The following WNK2 variants were observed in gnomAD, a reference collection of about 807,000 sequenced individuals.
The protein encoded by WNK2 is WNK lysine deficient protein kinase 2.
A neutral mutation model predicts 192.1 loss-of-function variants in WNK2; 67 were observed. The observed-to-expected ratio is 0.35, with a 90% CI of 0.29 to 0.43. The LOEUF is 0.43. Among genes scored for constraint, WNK2 ranks in the 20% least tolerant of loss-of-function variants. The pLI, the probability that WNK2 is intolerant of heterozygous loss-of-function variation, is 1.00. For missense variants in WNK2, 2,698 were observed against 3,089.7 expected, an observed-to-expected ratio of 0.87 and a Z score of 3.01; for synonymous variants, 1,439 against 1,393.9, an observed-to-expected ratio of 1.03 and a Z score of -0.72.
chr9:93,230,764 CG>C, intron 3 of WNK2, 123 bp from the exon 4 acceptor site: 1 of 881,396 alleles, frequency 1.1e-6, no homozygotes, highest in South Asian at 1.7e-5. Flanking sequence ...CTACCTGTCA[CG>C]GGTATGTGCC....
chr9:93,211,898 A>G (rs958434782), intron 2 of WNK2, among the ~76,000 whole-genome samples: 4 of 145,994 alleles, frequency 2.7e-5, no homozygotes, highest in Non-Finnish European at 6.0e-5. Flanking sequence ...ACATTTACTC[A>G]TTCACTCCCA....
At chr9:93,256,691 T>C (rs534863454) in intron 10 of WNK2, 137 of 662,430 alleles carry the variant, frequency 2.1e-4, no homozygotes, top group African/African-American at 5.5e-4. Context: ...GCCCTGCACA[T>C]GGAAGGCTCT....
intron 2 of WNK2, among the ~76,000 whole-genome samples, chr9:93,211,290 ACACTCAGTCACT>A: frequency 9.4e-6 from 1 of 106,542 alleles, no homozygotes; most frequent in Admixed American, 9.7e-5. Context: ...ACTCACTCAT[ACACTCAGTCACT>A]CATTCACTCA....
Position 93,262,457 on chromosome 9 carries a change from C to T in WNK2, c.3361-213C>T, listed in dbSNP as rs184866369. Among the ~76,000 whole-genome samples the T allele has an allele frequency of 1.5e-3, 224 of 152,340 alleles. 1 individual carries two copies. The highest frequency in any genetic ancestry group is 4.9e-3 in the African/African-American group (205 of 41,582). Reference sequence around the variant, plus strand: ...CCAGCTTTTATGAATACACTCGGGTCCAAGCGTTTCAACAAGATAAAAACC... The same window carrying T: ...CCAGCTTTTATGAATACACTCGGGTTCAAGCGTTTCAACAAGATAAAAACC... On this transcript the variant is annotated intron_variant, in intron 13 of 29. Coordinates refer to ENST00000427277, the MANE Select transcript of WNK2 (RefSeq NM_006648.4).
At chr9:93,240,041 A>G (rs1840488602) in intron 7 of WNK2, 65 bp downstream of exon 7, 5 of 1,516,560 alleles carry the variant, frequency 3.3e-6, no homozygotes, top group Non-Finnish European at 4.5e-6. Context: ...TCCAAGGATG[A>G]GAACAAAAGT....
intron 7 of WNK2, among the ~76,000 whole-genome samples, chr9:93,242,719 C>T (rs939515478): frequency 1.3e-5 from 2 of 152,116 alleles, no homozygotes; most frequent in Admixed American, 6.5e-5. Context: ...AAGATGGCCT[C>T]GAGGGAGGAT....
chr9:93,232,964 C>CAAAAAAAAAAAAAA (rs71511650), intron 4 of WNK2, among the ~76,000 whole-genome samples: 1 of 81,976 alleles, frequency 1.2e-5, no homozygotes, highest in Non-Finnish European at 2.2e-5. Context: ...CCTGTCTCTA[C>CAAAAAAAAAAAAAA]AAAAAAAAAA....
Position 93,256,326 on chromosome 9 carries a change from GC to G in WNK2, c.2067del (p.Ala690ProfsTer15). On this transcript the variant is annotated frameshift_variant, in exon 10 of 30. Coordinates refer to ENST00000427277, the MANE Select transcript of WNK2 (RefSeq NM_006648.4). LOFTEE classifies it high-confidence loss of function. ...APGLPVGSVP[A>X]PACPPSLQQH... ...TGGCTTGCCGGTGGGCTCTGTCCCG[GC>G]CCCCGCCTGCCCTCCGTCCCTCCAG... 6.3e-7 allele frequency: 1 copy of G among 1,580,100 alleles called. No homozygotes were observed.
chr9:93,318,497 A>G (rs1855119862), intron 29 of WNK2: 1 of 1,613,958 alleles, frequency 6.2e-7, no homozygotes, highest in Non-Finnish European at 8.5e-7. Context: ...GGCCATGAGA[A>G]ATCCGCCAGA....
chr9:93,275,288 A>C (rs2133418678), intron 19 of WNK2, among the ~76,000 whole-genome samples: 1 of 152,318 alleles, frequency 6.6e-6, no homozygotes, highest in Non-Finnish European at 1.5e-5. Flanking sequence ...AGGCTGAGGC[A>C]GGAGGATCAC....
chr9:93,238,799 G>A (rs1014939221), intron 6 of WNK2, among the ~76,000 whole-genome samples: 15 of 152,114 alleles, frequency 9.9e-5, no homozygotes, highest in Admixed American at 9.8e-4. Flanking sequence ...CTCAAAAATA[G>A]CAGGCCTGGA....
intron 9 of WNK2, among the ~76,000 whole-genome samples, chr9:93,254,476 G>A (rs1843002328): frequency 6.6e-6 from 1 of 152,218 alleles, no homozygotes; most frequent in Non-Finnish European, 1.5e-5. Context: ...CTGCACCCTT[G>A]CATGCGGGAC....
At chr9:93,234,759 C>G (rs773579638) in intron 4 of WNK2, 49 bp from the exon 5 acceptor site, 2 of 1,584,646 alleles carry the variant, frequency 1.3e-6, no homozygotes, top group Admixed American at 3.5e-5. Context: ...TCCAGCTCTT[C>G]CTGGGCCCGT....
At chr9:93,218,528 C>T (rs1285062311) in intron 2 of WNK2, among the ~76,000 whole-genome samples, 1 of 152,136 alleles carries the variant, frequency 6.6e-6, no homozygotes, top group African/African-American at 2.4e-5. Context: ...GTGGGATGGC[C>T]CCATGGGGAT....
At position 93,297,376 on chromosome 9, in the gene WNK2, T is replaced by C. The variant is rs889913504; in HGVS notation, c.5709-477T>C. On this transcript the variant is annotated intron_variant, in intron 23 of 29. Transcript: ENST00000427277. ...GTGTGGCATGGCCCCTGGAAGTCAG[T>C]GAGCGTCTCGCTGACTTCTTCATGC... is the stretch of plus-strand genomic sequence containing the variant. 1.3e-4 allele frequency among the ~76,000 whole-genome samples: 20 copies of C among 152,186 alleles called. 1 individual carries two copies. The highest frequency in any genetic ancestry group is 4.8e-4 in the African/African-American group (20 of 41,456).
At chr9:93,280,973 G>A (rs1847640724) in intron 19 of WNK2, among the ~76,000 whole-genome samples, 1 of 152,178 alleles carries the variant, frequency 6.6e-6, no homozygotes, top group African/African-American at 2.4e-5. Context: ...AAAGACACAA[G>A]GAAGAATGCT....
intron 28 of WNK2, among the ~76,000 whole-genome samples, chr9:93,311,584 CAGA>C (rs1853645972): frequency 6.7e-6 from 1 of 150,148 alleles, no homozygotes; most frequent in South Asian, 2.1e-4. Flanking sequence ...TCTGTGCCAA[CAGA>C]AGATTTCCTT....
intron 2 of WNK2, among the ~76,000 whole-genome samples, chr9:93,188,915 C>A (rs1032812839): frequency 1.4e-4 from 22 of 152,336 alleles, no homozygotes; most frequent in Admixed American, 1.2e-3. Flanking sequence ...TGGGTCAGCA[C>A]AATCTTGTTC....
intron 16 of WNK2, among the ~76,000 whole-genome samples, chr9:93,264,992 G>A (rs1259562664): frequency 1.3e-5 from 2 of 152,232 alleles, no homozygotes; most frequent in Non-Finnish European, 2.9e-5. Context: ...AGCCTCATGT[G>A]GGCTTTGCAG....
Sources: gnomAD v4.1 joint callset for allele counts (sites outside exome capture counted in the v4.1 genomes callset) on GRCh38, gnomAD v4.1.1 for gene constraint, MANE v1.5 for transcripts, NCBI Gene and HGNC (gene_info 2026-07-23, HGNC 2026-07-21) for gene names.